Variants in BEST1 observed in about 807,000 individuals in gnomAD.
BEST1 encodes the protein bestrophin-1.
Under a neutral mutation model 63.3 loss-of-function variants are expected in BEST1, and 58 were observed. The observed-to-expected ratio is 0.92, with a 90% CI of 0.74 to 1.14. The LOEUF is 1.14. BEST1 is among the 50% of genes most tolerant of loss of function. The probability of loss-of-function intolerance (pLI) is 0.00; values close to 1 mark genes in which losing one functional copy is unlikely to be tolerated. For missense variants in BEST1, 671 were observed against 740.1 expected (o/e 0.91, Z 1.08); for synonymous variants, 283 against 291.6 (o/e 0.97, Z 0.30).
downstream of BEST1, chr11:61,965,059 T>C (rs1591320888): frequency 1.9e-6 from 3 of 1,611,370 alleles, no homozygotes; most frequent in Non-Finnish European, 2.5e-6. Context: ...TTTCCAAATG[T>C]AATGCACACT....
At position 61,964,179 on chromosome 11, in the gene BEST1, C is replaced by G; in HGVS notation, c.*57C>G. The G allele has an allele frequency of 6.2e-7, 1 of 1,612,276 alleles. No individual in the cohort carries two copies. Among genetic ancestry groups the G allele is most frequent in the Non-Finnish European group, 8.5e-7 (1 of 1,179,500 alleles). ...AGGTCCTCACCTGTGTGTACACCAG[C>G]AGGACACTGATCCAGTCACAGCCAT... On this transcript the variant is annotated 3_prime_UTR_variant, in exon 11 of 11. Coordinates refer to ENST00000378043, the MANE Select transcript of BEST1 (RefSeq NM_004183.4).
chr11:61,958,229 C>A lies in BEST1; in HGVS notation c.798C>A (p.Gly266=). 1 of 1,614,210 alleles carries A rather than the reference C, an allele frequency of 6.2e-7. No homozygotes were observed. Among genetic ancestry groups the A allele is most frequent in the Non-Finnish European group, 8.5e-7 (1 of 1,180,036 alleles). Residue 266 remains glycine, a synonymous_variant, in exon 7 of 11, where the codon GGC becomes GGA. Transcript: ENST00000378043. ...TGAACCCAGCCAAGGCCTACCCTGG[C>A]CATGAGCTGGACCTCGTTGTGCCCG... The part of the protein sequence containing the change: ...QFLNPAKAYP[G]HELDLVVPVF...
At chr11:61,965,183 C>G, downstream of BEST1, 1 of 1,601,032 alleles carries the variant, frequency 6.2e-7, no homozygotes, top group Non-Finnish European at 8.5e-7. Context: ...TCTCTAACCA[C>G]CACGTTTTGG....
Position 61,951,925 on chromosome 11 carries a change from T to C in BEST1, c.119T>C (p.Leu40Pro). 6.2e-7 allele frequency: 1 copy of C among 1,613,872 alleles called. No individual in the cohort carries two copies. Among genetic ancestry groups the C allele is most frequent in the Non-Finnish European group, 8.5e-7 (1 of 1,179,962 alleles). The change falls in exon 2 of 11, where the codon CTG becomes CCG. Residue 40 changes from leucine (L) to proline (P), a missense_variant. Coordinates refer to ENST00000378043, the MANE Select transcript of BEST1 (RefSeq NM_004183.4). ...KLLYGEFLIF[L>P]LCYYIIRFIY... ...CTATATGGCGAGTTCTTAATCTTCC[T>C]GCTCTGCTACTACATCATCCGCTTT...
chr11:61,960,126 T>G (rs139909214), intron 9 of BEST1, 83 bp downstream of exon 9: 2 of 1,536,754 alleles, frequency 1.3e-6, no homozygotes, highest in African/African-American at 2.7e-5. Context: ...CACTAGTTAA[T>G]GCATACAGGT....
rs1490430413 is a variant in BEST1 at position 61,962,894 on chromosome 11, G to A, written c.1739+1G>A. The A allele has an allele frequency of 6.2e-7, 1 of 1,614,156 alleles. No individual in the cohort carries two copies. Among genetic ancestry groups the A allele is most frequent in the Non-Finnish European group, 8.5e-7 (1 of 1,180,034 alleles). Reference sequence around the variant, plus strand: ...ATCCTTATTGGGCCTTGGAAAACAGGTCTGTCCTCCACCTGAACCAGGGGC... The same window carrying A: ...ATCCTTATTGGGCCTTGGAAAACAGATCTGTCCTCCACCTGAACCAGGGGC... On this transcript the variant is annotated splice_donor_variant, in intron 10 of 10. Transcript: ENST00000378043. LOFTEE classifies it high-confidence loss of function.
intron 8 of BEST1, 41 bp downstream of exon 8, chr11:61,959,619 CA>C (rs770397574): frequency 6.2e-7 from 1 of 1,605,552 alleles, no homozygotes; most frequent in African/African-American, 1.3e-5. Flanking sequence ...GGACCTTCCC[CA>C]AAGTGGACCC....
At chr11:61,958,980 A>G in intron 7 of BEST1, 1 of 254,142 alleles carries the variant, frequency 3.9e-6, no homozygotes, top group Non-Finnish European at 7.8e-6. Flanking sequence ...GTTTCTGCAG[A>G]TCAAAACAAA....
In BEST1 at chr11:61,962,785, T is replaced by C; in HGVS notation, c.1631T>C (p.Met544Thr). 1 of 1,614,174 alleles carries C rather than the reference T, an allele frequency of 6.2e-7. No individual in the cohort carries two copies. Among genetic ancestry groups the C allele is most frequent in the Non-Finnish European group, 8.5e-7 (1 of 1,180,030 alleles). ...RKTVEFNLTDMPEIPENHLKE... is the reference protein window; with the variant it reads ...RKTVEFNLTDTPEIPENHLKE... ...ACTGTGGAGTTTAACCTGACGGATA[T>C]GCCAGAGATCCCCGAAAATCACCTC... Residue 544 changes from methionine (M) to threonine (T), a missense_variant, in exon 10 of 11, where the codon ATG becomes ACG. Coordinates refer to ENST00000378043, the MANE Select transcript of BEST1 (RefSeq NM_004183.4).
At chr11:61,963,231 C>T in intron 10 of BEST1, 1 of 1,389,850 alleles carries the variant, frequency 7.2e-7, no homozygotes, top group Non-Finnish European at 9.3e-7. Flanking sequence ...TATCACTGGC[C>T]CCAACTTACT....
chr11:61,963,079 G>A (rs1942249920), intron 10 of BEST1, 186 bp downstream of exon 10: 2 of 1,477,392 alleles, frequency 1.4e-6, no homozygotes, highest in East Asian at 2.5e-5. Context: ...CTAGGGAAGT[G>A]TTCGGGACCT....
intron 2 of BEST1, among the ~76,000 whole-genome samples, chr11:61,952,404 C>T (rs994404754): frequency 6.6e-6 from 1 of 151,804 alleles, no homozygotes; most frequent in Non-Finnish European, 1.5e-5. Context: ...GCCTTAGCCT[C>T]CCAAGGGGCT....
chr11:61,962,430 C>A lies in BEST1; in HGVS notation c.1276C>A (p.Pro426Thr), dbSNP rs1942163917. The A allele has an allele frequency of 6.2e-7, 1 of 1,614,052 alleles. No individual in the cohort carries two copies. The highest frequency in any genetic ancestry group is 1.1e-5 in the South Asian group (1 of 91,096). Residue 426 changes from proline (P) to threonine (T), a missense_variant, in exon 10 of 11, where the codon CCC (proline) becomes ACC (threonine). By Grantham distance (38) the Pro-to-Thr change is conservative (BLOSUM62 -1). Coordinates refer to ENST00000378043, the MANE Select transcript of BEST1 (RefSeq NM_004183.4). ...GGAATCCCTTCTCCACGAGGGCCTG[C>A]CCAAAAACCACAAGGCAGCCAAACA... The part of the protein sequence containing the change: ...KRESLLHEGL[P>T]KNHKAAKQNV...
chr11:61,964,450 C>G lies in BEST1; in HGVS notation c.*328C>G. 1 of 614,176 alleles carries G rather than the reference C, an allele frequency of 1.6e-6. No individual in the cohort carries two copies. Among genetic ancestry groups the G allele is most frequent in the Non-Finnish European group, 2.8e-6 (1 of 353,790 alleles). The allele number at this position is 614,176 out of a possible 1,614,324, so 38.0% of individuals were successfully genotyped here. ...CCCAAACTAATGAGTTTAATAAATACAAATACTCGTTTCTTTTTGATTAGT... is the reference window on the plus strand; with the variant it reads ...CCCAAACTAATGAGTTTAATAAATAGAAATACTCGTTTCTTTTTGATTAGT... On this transcript the variant is annotated 3_prime_UTR_variant, in exon 11 of 11. Transcript: ENST00000378043.
At chr11:61,957,621 T>C (rs990138868) in intron 6 of BEST1, among the ~76,000 whole-genome samples, 157 bp downstream of exon 6, 1 of 152,084 alleles carries the variant, frequency 6.6e-6, no homozygotes, top group Non-Finnish European at 1.5e-5. Flanking sequence ...AAGTGCCAAG[T>C]TCTAAGAGTC....
chr11:61,963,442 T>C (rs1942286124), intron 10 of BEST1: 2 of 1,150,084 alleles, frequency 1.7e-6, no homozygotes, highest in Admixed American at 8.4e-5. Flanking sequence ...CCTGGGAACC[T>C]CACCAAAATA....
At chr11:61,957,052 C>T in intron 5 of BEST1, 54 bp downstream of exon 5, 4 of 1,611,966 alleles carry the variant, frequency 2.5e-6, no homozygotes, top group Non-Finnish European at 3.4e-6. Context: ...CTGTGGTCCA[C>T]AGGAAACAAG....
intron 7 of BEST1, 92 bp from the exon 8 acceptor site, chr11:61,959,406 G>C: frequency 8.1e-7 from 1 of 1,236,334 alleles, no homozygotes; most frequent in Non-Finnish European, 1.2e-6. Context: ...GGCGTCATGG[G>C]GTGTGGAAAT....
intron 9 of BEST1, 196 bp downstream of exon 9, chr11:61,960,239 A>G: frequency 1.3e-6 from 1 of 766,172 alleles, no homozygotes. Context: ...TCAGATAATT[A>G]AAGTACAGGT....
Sources: allele counts gnomAD v4.1 joint callset (sites outside exome capture counted in the v4.1 genomes callset), GRCh38; gene constraint gnomAD v4.1.1; transcripts MANE v1.5; gene names NCBI Gene and HGNC (gene_info 2026-07-23, HGNC 2026-07-21).